Variants in MTMR3 observed in about 807,000 individuals in gnomAD.
MTMR3 encodes the protein myotubularin related protein 3.
MTMR3 carries 32 observed loss-of-function variants against 132.4 expected under a neutral mutation model. The observed-to-expected ratio is 0.24, with a 90% CI of 0.18 to 0.32. MTMR3 has a LOEUF of 0.32. Among genes scored for constraint, MTMR3 ranks in the 10% least tolerant of loss-of-function variants. The pLI is 1.00. For synonymous variants in MTMR3, 556 were observed against 550.3 expected, an observed-to-expected ratio of 1.01 and a Z score of -0.14; for missense variants, 1,216 against 1,489.6, an observed-to-expected ratio of 0.82 and a Z score of 3.02.
At chr22:30,016,806 G>A (rs2067603654) in intron 15 of MTMR3, 108 bp downstream of exon 15, 1 of 1,253,736 alleles carries the variant, frequency 8.0e-7, no homozygotes, top group East Asian at 2.3e-5. Flanking sequence ...CATCTCTACT[G>A]TCTCTGGATG....
chr22:29,906,510 A>G lies in MTMR3; in HGVS notation c.-138+23151A>G, dbSNP rs1286064424. ...TACCTGGCTAATTTTTTTTTTTTGTATTTTTAATAGAGACGGAGTTTCACC... is the reference window on the plus strand; with the variant it reads ...TACCTGGCTAATTTTTTTTTTTTGTGTTTTTAATAGAGACGGAGTTTCACC... On this transcript the variant is annotated intron_variant, in intron 1 of 19. Transcript: ENST00000401950. Among the ~76,000 whole-genome samples the G allele has an allele frequency of 2.0e-5, 3 of 146,586 alleles. No homozygotes were observed. In the South Asian group the frequency reaches 6.5e-4, roughly 32 times the overall value.
At chr22:29,890,123 G>GC (rs1376306694) in intron 1 of MTMR3, among the ~76,000 whole-genome samples, 2 of 151,624 alleles carry the variant, frequency 1.3e-5, no homozygotes, top group Non-Finnish European at 2.9e-5. Flanking sequence ...GACCAGGATG[G>GC]CCTCGATCTC....
chr22:29,927,106 G>A (rs571331988), intron 1 of MTMR3, among the ~76,000 whole-genome samples: 118 of 152,230 alleles, frequency 7.8e-4, no homozygotes, highest in African/African-American at 2.7e-3. Context: ...TCCTCGTTGA[G>A]TTGTTCTAGC....
intron 1 of MTMR3, among the ~76,000 whole-genome samples, chr22:29,936,245 A>T (rs1242043163): frequency 6.6e-6 from 1 of 152,068 alleles, no homozygotes; most frequent in Non-Finnish European, 1.5e-5. Flanking sequence ...CCCATAATGA[A>T]TTTTTTTGGG....
chr22:29,958,216 G>A (rs980832724), intron 2 of MTMR3, among the ~76,000 whole-genome samples: 3 of 152,136 alleles, frequency 2.0e-5, no homozygotes, highest in African/African-American at 7.2e-5. Flanking sequence ...ACCTTTGTGT[G>A]TCTCTTACTA....
intron 2 of MTMR3, among the ~76,000 whole-genome samples, chr22:29,959,221 C>T (rs1021440461): frequency 6.6e-6 from 1 of 151,926 alleles, no homozygotes; most frequent in Non-Finnish European, 1.5e-5. Context: ...CTGAGAGAAG[C>T]ATGCAGGTTC....
intron 10 of MTMR3, 41 bp downstream of exon 10, chr22:30,007,360 A>ATC (rs2067293581): frequency 6.3e-7 from 1 of 1,584,416 alleles, no homozygotes; most frequent in Middle Eastern, 1.7e-4. Flanking sequence ...TTTTTATAGC[A>ATC]TCTAAGAACC....
chr22:30,014,389 C>CCTTCTAGTACTTCCTTGCAGTTGA (rs759547398), intron 14 of MTMR3: 11 of 152,384 alleles, frequency 7.2e-5, no homozygotes, highest in African/African-American at 2.2e-4. Flanking sequence ...CTTCAATTGA[C>CCTTCTAGTACTTCCTTGCAGTTGA]CTTCTAGTAC....
chr22:30,000,663 G>A (rs1350229777), intron 8 of MTMR3: 1 of 152,056 alleles, frequency 6.6e-6, no homozygotes, highest in African/African-American at 2.4e-5. Context: ...CCTTCTCCAG[G>A]GAGTTGAGAA....
chr22:30,026,257 G>A lies in MTMR3; in HGVS notation c.*456G>A, dbSNP rs2067909540. On this transcript the variant is annotated 3_prime_UTR_variant, in exon 20 of 20. Coordinates refer to ENST00000401950, the MANE Select transcript of MTMR3 (RefSeq NM_021090.4). Reference sequence around the variant, plus strand: ...TTCCTCACGCCACCGCCACATCAGAGCTGGTTGGGAACCCTTTGCTGCTGG... The same window carrying A: ...TTCCTCACGCCACCGCCACATCAGAACTGGTTGGGAACCCTTTGCTGCTGG... 1 of 165,616 alleles carries A rather than the reference G, an allele frequency of 6.0e-6. No homozygotes were observed. The highest frequency in any genetic ancestry group is 1.3e-5 in the Non-Finnish European group (1 of 75,442). 10.3% of individuals were successfully genotyped at this position (165,616 alleles called of 1,614,324 possible).
At position 29,907,604 on chromosome 22, in the gene MTMR3, A is replaced by G. The variant is rs3788419; in HGVS notation, c.-138+24245A>G. Among the ~76,000 whole-genome samples the G allele has an allele frequency of 6.3e-3, 964 of 152,284 alleles. 49 individuals carry two copies. The East Asian group carries it at 0.14, about 22-fold the overall frequency. On this transcript the variant is annotated intron_variant, in intron 1 of 19. Coordinates refer to ENST00000401950, the MANE Select transcript of MTMR3 (RefSeq NM_021090.4). The stretch of plus-strand genomic sequence containing the variant: ...AGTTTTCTTTCCTCAAGGGCATAAA[A>G]AATTTTAAATGTACCCATTTGCATA...
At chr22:29,953,762 C>T (rs192557716) in intron 1 of MTMR3, among the ~76,000 whole-genome samples, 4 of 152,254 alleles carry the variant, frequency 2.6e-5, no homozygotes. Context: ...ATTTATACCC[C>T]TCTTGGAGAT....
chr22:29,963,458 C>T (rs974549229), intron 2 of MTMR3, among the ~76,000 whole-genome samples: 23 of 147,286 alleles, frequency 1.6e-4, no homozygotes, highest in African/African-American at 4.0e-4. Flanking sequence ...GGTGCGATCT[C>T]GGCTCACTGC....
intron 1 of MTMR3, among the ~76,000 whole-genome samples, chr22:29,955,778 A>ATC (rs1267567472): frequency 2.6e-5 from 4 of 152,178 alleles, no homozygotes; most frequent in African/African-American, 7.2e-5. Flanking sequence ...TTGAGATGGA[A>ATC]TCTCACACTG....
chr22:29,889,181 A>G (rs1467153205), intron 1 of MTMR3, among the ~76,000 whole-genome samples: 1 of 152,048 alleles, frequency 6.6e-6, no homozygotes, highest in Non-Finnish European at 1.5e-5. Context: ...GAGTGTTTAT[A>G]AAGAGTTTTG....
chr22:29,918,189 A>AGTGTTGAG (rs2065344152), intron 1 of MTMR3, among the ~76,000 whole-genome samples: 1 of 152,172 alleles, frequency 6.6e-6, no homozygotes, highest in Non-Finnish European at 1.5e-5. Context: ...CTGGAAGGGA[A>AGTGTTGAG]GTGTTGAGGG....
chr22:30,024,361 C>T (rs537137372), intron 19 of MTMR3: 2 of 152,320 alleles, frequency 1.3e-5, no homozygotes, highest in Admixed American at 6.5e-5. Context: ...AGCTGAACTC[C>T]AGCAGGAATG....
intron 1 of MTMR3, among the ~76,000 whole-genome samples, chr22:29,900,339 C>T (rs944981596): frequency 1.3e-5 from 2 of 151,964 alleles, no homozygotes; most frequent in African/African-American, 4.8e-5. Flanking sequence ...TAATACTTAA[C>T]GTTTCTTTTG....
chr22:29,978,691 C>A (rs535829079), intron 4 of MTMR3, among the ~76,000 whole-genome samples, 160 bp downstream of exon 4: 1 of 152,088 alleles, frequency 6.6e-6, no homozygotes, highest in East Asian at 1.9e-4. Flanking sequence ...AGACTTATTT[C>A]CTGAGAATCC....
Sources: allele counts gnomAD v4.1 joint callset (sites outside exome capture counted in the v4.1 genomes callset), GRCh38; gene constraint gnomAD v4.1.1; transcripts MANE v1.5; gene names NCBI Gene and HGNC (gene_info 2026-07-23, HGNC 2026-07-21).